Variants in BRD4 observed in about 807,000 individuals in gnomAD.
BRD4 encodes bromodomain containing 4, also known as bromodomain-containing protein 4.
In BRD4, 16 loss-of-function variants were observed where a neutral mutation model predicts 142.1. The ratio of observed to expected loss-of-function variants is 0.11; its 90% confidence interval spans 0.08 to 0.17. The LOEUF is 0.17. Among genes scored for constraint, BRD4 ranks in the 10% least tolerant of loss-of-function variants. BRD4 has a pLI of 1.00. For synonymous variants in BRD4, 833 were observed against 707.5 expected (o/e 1.18, Z -2.82); for missense variants, 1,424 against 1,810.9 (o/e 0.79, Z 3.88).
At chr19:15,290,081 C>T (rs931288797) in intron 1 of BRD4, among the ~76,000 whole-genome samples, 3 of 152,100 alleles carry the variant, frequency 2.0e-5, no homozygotes, top group Non-Finnish European at 4.4e-5. Flanking sequence ...GGGGGTCACA[C>T]GCTAGGCATA....
chr19:15,323,354 A>T (rs1454903098), intron 1 of BRD4, among the ~76,000 whole-genome samples: 1 of 152,128 alleles, frequency 6.6e-6, no homozygotes, highest in East Asian at 1.9e-4. Context: ...AGTGTGCCCC[A>T]GCAGCCCAGT....
chr19:15,284,089 G>C (rs1200169166), intron 1 of BRD4, among the ~76,000 whole-genome samples: 1 of 152,184 alleles, frequency 6.6e-6, no homozygotes, highest in Non-Finnish European at 1.5e-5. Context: ...TTAATGGGAT[G>C]ATCTTTTCTT....
intron 13 of BRD4, among the ~76,000 whole-genome samples, chr19:15,243,905 T>C (rs780633930): frequency 6.6e-6 from 1 of 152,172 alleles, no homozygotes; most frequent in African/African-American, 2.4e-5. Flanking sequence ...TGAGAAAAGC[T>C]GCAGAGGGGT....
intron 11 of BRD4, chr19:15,253,859 G>A (rs1201318322): frequency 2.9e-5 from 37 of 1,284,900 alleles, no homozygotes; most frequent in Non-Finnish European, 1.6e-5. Context: ...CAGCTTCCCC[G>A]CCCACCATCC....
At chr19:15,275,124 G>C (rs1472610384) in intron 1 of BRD4, among the ~76,000 whole-genome samples, 1 of 152,170 alleles carries the variant, frequency 6.6e-6, no homozygotes, top group African/African-American at 2.4e-5. Context: ...CTCCCAAATT[G>C]CTGGGGTTAC....
intron 1 of BRD4, among the ~76,000 whole-genome samples, chr19:15,311,180 T>C (rs2047967114): frequency 6.6e-6 from 1 of 151,824 alleles, no homozygotes; most frequent in African/African-American, 2.4e-5. Flanking sequence ...TAGTCCCAGC[T>C]ACTTGAGAGG....
At chr19:15,306,643 T>A (rs141948597) in intron 1 of BRD4, among the ~76,000 whole-genome samples, 2 of 152,226 alleles carry the variant, frequency 1.3e-5, no homozygotes, top group East Asian at 3.9e-4. Context: ...AAGGCTATTA[T>A]AGGGTTATTA....
chr19:15,239,372 C>A lies in BRD4; in HGVS notation c.3576+20G>T. The A allele has an allele frequency of 6.2e-7, 1 of 1,614,170 alleles. No individual in the cohort carries two copies. The highest frequency in any genetic ancestry group is 8.5e-7 in the Non-Finnish European group (1 of 1,180,032). On this transcript the variant is annotated intron_variant, in intron 17 of 19. Transcript: ENST00000679869. This position sits in a 1 kb window ranked among gnomAD's most constrained non-coding sequence, Gnocchi z 7.4. ...TCCAGGGCCAAGGGGCAAGCGACAC[C>A]CATGGACCTCCATCCCAACCTTTTT...
At chr19:15,320,926 C>T (rs1395871279) in intron 1 of BRD4, among the ~76,000 whole-genome samples, 1 of 152,328 alleles carries the variant, frequency 6.6e-6, no homozygotes, top group East Asian at 1.9e-4. Context: ...TTCGGGGGTA[C>T]ATTTTACTTT....
intron 11 of BRD4, chr19:15,253,806 C>A (rs748098888): frequency 6.3e-7 from 1 of 1,579,450 alleles, no homozygotes; most frequent in South Asian, 1.1e-5. Flanking sequence ...ACATCAAGGT[C>A]AACAGCACAG....
intron 1 of BRD4, among the ~76,000 whole-genome samples, chr19:15,304,514 A>G (rs1168795687): frequency 6.6e-6 from 1 of 152,224 alleles, no homozygotes; most frequent in Non-Finnish European, 1.5e-5. Context: ...TACATTTTCC[A>G]GGCCGCCAGT....
At chr19:15,295,301 A>G (rs1231772749) in intron 1 of BRD4, among the ~76,000 whole-genome samples, 1 of 152,218 alleles carries the variant, frequency 6.6e-6, no homozygotes, top group Non-Finnish European at 1.5e-5. Flanking sequence ...TGCTGTTGCT[A>G]GCTCATGTGG....
rs1452082534 is a variant in BRD4 at position 15,243,307 on chromosome 19, G to A, written c.2762C>T (p.Pro921Leu). Residue 921 changes from proline (P) to leucine (L), a missense_variant, in exon 14 of 20, where the codon CCA (proline) becomes CTA (leucine). Coordinates refer to ENST00000679869, the MANE Select transcript of BRD4 (RefSeq NM_001379291.1). ...VLLEDEEPPA[P>L]PLTSMQMQLY... Reference sequence around the variant, plus strand: ...CTGCATCTGCATGGAGGTGAGGGGTGGGGCAGGTGGCTCTTCATCCTCCAG... The same window carrying A: ...CTGCATCTGCATGGAGGTGAGGGGTAGGGCAGGTGGCTCTTCATCCTCCAG... The A allele has an allele frequency of 1.3e-6, 2 of 1,485,942 alleles. No homozygotes were observed. Among genetic ancestry groups the A allele is most frequent in the Non-Finnish European group, 1.8e-6 (2 of 1,118,922 alleles). The allele number at this position is 1,485,942 out of a possible 1,614,324, so 92.0% of individuals were successfully genotyped here.
chr19:15,289,700 G>T (rs2047767229), intron 1 of BRD4, among the ~76,000 whole-genome samples: 1 of 151,500 alleles, frequency 6.6e-6, no homozygotes, highest in African/African-American at 2.4e-5. Flanking sequence ...CAAAACAGCA[G>T]TTACTTTTGC....
intron 1 of BRD4, among the ~76,000 whole-genome samples, chr19:15,328,006 A>T (rs959094667): frequency 1.3e-5 from 2 of 150,462 alleles, no homozygotes; most frequent in African/African-American, 4.9e-5. Flanking sequence ...TGATTGTATC[A>T]TGTATAACAA....
chr19:15,254,394 T>A, intron 10 of BRD4, 132 bp from the exon 11 acceptor site: 2 of 725,710 alleles, frequency 2.8e-6, no homozygotes, highest in Non-Finnish European at 4.7e-6. Flanking sequence ...CAGGGGCTGC[T>A]CCCAACTGCC....
At chr19:15,269,894 T>A in intron 2 of BRD4, among the ~76,000 whole-genome samples, 1 of 152,208 alleles carries the variant, frequency 6.6e-6, no homozygotes, top group Middle Eastern at 3.2e-3. Flanking sequence ...AGTTCATTTT[T>A]AAAAACAACC....
chr19:15,248,139 G>A (rs560385507), intron 11 of BRD4: 1 of 218,698 alleles, frequency 4.6e-6, no homozygotes, highest in Non-Finnish European at 9.2e-6. Context: ...TTCCTCAGGG[G>A]ACTTTTCATG....
chr19:15,265,063 T>C (rs2047517207), intron 5 of BRD4, among the ~76,000 whole-genome samples: 1 of 152,198 alleles, frequency 6.6e-6, no homozygotes, highest in African/African-American at 2.4e-5. Context: ...TCTCCCCAAG[T>C]GCCCAGGGGA....
Sources: allele counts gnomAD v4.1 joint callset (sites outside exome capture counted in the v4.1 genomes callset), GRCh38; gene constraint gnomAD v4.1.1; non-coding constraint Gnocchi (gnomAD v3.1); transcripts MANE v1.5; gene names NCBI Gene and HGNC (gene_info 2026-07-23, HGNC 2026-07-21).